EDNRB: variants seen among roughly 807,000 people sequenced by gnomAD.
The protein encoded by EDNRB is endothelin receptor type B.
Under a neutral mutation model 46.4 loss-of-function variants are expected in EDNRB, and 18 were observed. The ratio of observed to expected loss-of-function variants is 0.39; its 90% CI spans 0.27 to 0.57. EDNRB has a LOEUF of 0.57. EDNRB is among the 20% of genes least tolerant of loss of function. The probability of loss-of-function intolerance (pLI) is 0.61; values close to 1 mark genes in which losing one functional copy is unlikely to be tolerated. For missense variants in EDNRB, 434 were observed against 537.5 expected (o/e 0.81, Z 1.90); for synonymous variants, 213 against 204.9 (o/e 1.04, Z -0.34).
intron 1 of EDNRB, among the ~76,000 whole-genome samples, chr13:77,938,659 G>A (rs528332940): frequency 2.6e-5 from 4 of 152,284 alleles, no homozygotes; most frequent in East Asian, 1.9e-4. Context: ...CATGACCAGC[G>A]CTGGAGTTTT....
chr13:77,924,945 T>C (rs1880191121), intron 1 of EDNRB, among the ~76,000 whole-genome samples: 1 of 152,206 alleles, frequency 6.6e-6, no homozygotes, highest in East Asian at 1.9e-4. Flanking sequence ...TCCCCAGCTA[T>C]GTGGAGCTGT....
rs1878672388 is a variant in EDNRB, at chr13:77,897,142, C to T, written c.*1058G>A. ...GCTACCTGCCCCTTTGTCATGTGGA[C>T]ACTGCACCAGGCAGTTCACAGTCTT... On this transcript the variant is annotated 3_prime_UTR_variant, in exon 7 of 7. Transcript: ENST00000646607. 2 of 985,570 alleles carry T rather than the reference C, an allele frequency of 2.0e-6. No homozygotes were observed. Among genetic ancestry groups the T allele is most frequent in the African/African-American group, 3.5e-5 (2 of 57,212 alleles). 61.1% of individuals were successfully genotyped at this position (985,570 alleles called of 1,614,324 possible).
chr13:77,898,286 C>G lies in EDNRB; in HGVS notation c.1243G>C (p.Glu415Gln). 3 of 1,612,160 alleles carry G rather than the reference C, an allele frequency of 1.9e-6. No homozygotes were observed. Among genetic ancestry groups the G allele is most frequent in the Non-Finnish European group, 2.5e-6 (3 of 1,178,854 alleles). The change falls in exon 7 of 7, where the codon GAG becomes CAG. Residue 415 changes from glutamate (E) to glutamine (Q), a missense_variant. By Grantham distance (29) the Glu-to-Gln change is conservative (BLOSUM62 2). Transcript: ENST00000646607. Reference protein sequence around the residue: ...CQSFEEKQSLEEKQSCLKFKA... With the variant: ...CQSFEEKQSLQEKQSCLKFKA... ...AACTTTAAGCACGACTGCTTTTCCT[C>G]CAAGGACTGTTTTTCTTCAAATGAC... is the stretch of plus-strand genomic sequence containing the variant.
chr13:77,933,754 G>A (rs987893490), intron 1 of EDNRB, among the ~76,000 whole-genome samples: 4 of 152,174 alleles, frequency 2.6e-5, no homozygotes, highest in Admixed American at 6.5e-5. Context: ...GCTGCTTCGA[G>A]CGGGATTAGG....
intron 1 of EDNRB, among the ~76,000 whole-genome samples, chr13:77,956,118 A>G (rs187040509): frequency 2.0e-5 from 3 of 152,282 alleles, no homozygotes; most frequent in Admixed American, 1.3e-4. Context: ...TTTGCATAGT[A>G]TGGACGTTTT....
Position 77,909,950 on chromosome 13 carries a change from G to C in EDNRB, c.484-6343C>G, listed in dbSNP as rs1309032094. 2.6e-5 allele frequency among the ~76,000 whole-genome samples: 4 copies of C among 151,908 alleles called. No individual in the cohort carries two copies. The East Asian group carries it at 7.8e-4, about 29-fold the overall frequency. On this transcript the variant is annotated intron_variant, in intron 1 of 6. Transcript: ENST00000646607. ...GAGAGTGGGCTGGACTCTTGTTGGAGTTCTGCTCTTCCATGCAGGGCGGAA... is the reference window on the plus strand; with the variant it reads ...GAGAGTGGGCTGGACTCTTGTTGGACTTCTGCTCTTCCATGCAGGGCGGAA...
At chr13:77,925,838 A>G (rs761177870) in intron 1 of EDNRB, among the ~76,000 whole-genome samples, 80 of 152,296 alleles carry the variant, frequency 5.3e-4, no homozygotes, top group Admixed American at 2.9e-3. Flanking sequence ...TGCGCCTGGA[A>G]AAGACGCAGA....
intron 1 of EDNRB, 125 bp downstream of exon 1, chr13:77,917,966 T>G: frequency 6.9e-7 from 1 of 1,452,098 alleles, no homozygotes; most frequent in Non-Finnish European, 9.5e-7. Flanking sequence ...ATTACTGACT[T>G]TTAGGAGGGG....
intron 1 of EDNRB, among the ~76,000 whole-genome samples, chr13:77,936,345 A>T (rs142635616): frequency 0.18 from 27,196 of 151,806 alleles, 2,837 homozygotes; most frequent in East Asian, 0.53. Flanking sequence ...AGGAGTGCTT[A>T]AAAGAGTATT....
At chr13:77,941,482 C>A (rs574494995) in intron 1 of EDNRB, among the ~76,000 whole-genome samples, 2 of 152,282 alleles carry the variant, frequency 1.3e-5, no homozygotes, top group Admixed American at 1.3e-4. Flanking sequence ...TACATAATGA[C>A]CAGATTCTTC....
At chr13:77,934,094 G>A (rs1422005694) in intron 1 of EDNRB, among the ~76,000 whole-genome samples, 1 of 152,166 alleles carries the variant, frequency 6.6e-6, no homozygotes, top group Non-Finnish European at 1.5e-5. Context: ...AGCTGTGATG[G>A]CTTGGAGAAG....
upstream of EDNRB, chr13:77,919,386 C>A (rs755971971): frequency 1.2e-6 from 2 of 1,606,906 alleles, no homozygotes; most frequent in Non-Finnish European, 1.7e-6. Context: ...ACACCAAGCC[C>A]GAATGTTTAC....
At chr13:77,972,553 G>A (rs1003373270) in intron 1 of EDNRB, among the ~76,000 whole-genome samples, 2 of 152,114 alleles carry the variant, frequency 1.3e-5, no homozygotes, top group African/African-American at 4.8e-5. Flanking sequence ...TGGCACTGGG[G>A]TCTTTATCGA....
At chr13:77,902,565 G>A (rs996769664) in intron 3 of EDNRB, among the ~76,000 whole-genome samples, 1 of 151,764 alleles carries the variant, frequency 6.6e-6, no homozygotes, top group Admixed American at 6.6e-5. Context: ...TTAGCCACCT[G>A]CTCTGTAACT....
chr13:77,920,161 T>A (rs1764532606), upstream of EDNRB, among the ~76,000 whole-genome samples: 1 of 152,190 alleles, frequency 6.6e-6, no homozygotes, highest in South Asian at 2.1e-4. Flanking sequence ...CTCAGGCATT[T>A]TTATACTGTA....
At chr13:77,940,700 GGTGTGTGTGTGTGTGT>G (rs6145134) in intron 1 of EDNRB, among the ~76,000 whole-genome samples, 79,061 of 149,130 alleles carry the variant, frequency 0.53, 21,591 homozygotes, top group Non-Finnish European at 0.62. Context: ...AGATGAATTG[GGTGTGTGTGTGTGTGT>G]GTGTGTGTGT....
chr13:77,906,854 A>G (rs943101889), intron 1 of EDNRB, among the ~76,000 whole-genome samples: 7 of 151,994 alleles, frequency 4.6e-5, no homozygotes, highest in African/African-American at 1.2e-4. Flanking sequence ...TTTGTTATTC[A>G]TTAGGAAACC....
At chr13:77,907,806 T>G (rs1013621162) in intron 1 of EDNRB, among the ~76,000 whole-genome samples, 1 of 151,798 alleles carries the variant, frequency 6.6e-6, no homozygotes, top group African/African-American at 2.4e-5. Context: ...GAGGTTTCCA[T>G]TGTTTTTGGC....
At chr13:77,905,492 T>C (rs1879230175) in intron 1 of EDNRB, among the ~76,000 whole-genome samples, 1 of 152,002 alleles carries the variant, frequency 6.6e-6, no homozygotes, top group Admixed American at 6.6e-5. Context: ...ATTCAATGAA[T>C]ATTTATTGAG....
Sources: allele counts gnomAD v4.1 joint callset (sites outside exome capture counted in the v4.1 genomes callset), GRCh38; gene constraint gnomAD v4.1.1; transcripts MANE v1.5; gene names NCBI Gene and HGNC (gene_info 2026-07-23, HGNC 2026-07-21).